PRUNE2: variants seen among roughly 807,000 people sequenced by gnomAD.
PRUNE2 encodes the protein protein prune homolog 2.
PRUNE2 carries 164 observed loss-of-function variants against 252.0 expected under a neutral mutation model. That is an observed-to-expected ratio of 0.65 (90% CI 0.57 to 0.74). PRUNE2 has a LOEUF of 0.74. PRUNE2 is among the 30% of genes least tolerant of loss of function. The pLI is 0.00. For synonymous variants in PRUNE2, 1,292 were observed against 1,350.2 expected, an observed-to-expected ratio of 0.96 and a Z score of 0.94; for missense variants, 3,495 against 3,711.0, an observed-to-expected ratio of 0.94 and a Z score of 1.51.
In PRUNE2 at chr9:76,612,237, G is replaced by A. The variant is rs1827657747; in HGVS notation, c.*2333C>T. ...AATGCCCATAATTTTCATGTAGGAA[G>A]ATGAGGCTTCAAACAGCATACCACC... On this transcript the variant is annotated 3_prime_UTR_variant, in exon 19 of 19. Transcript: ENST00000376718. 6.6e-6 allele frequency: 1 copy of A among 152,222 alleles called. No individual in the cohort carries two copies. Among genetic ancestry groups the A allele is most frequent in the South Asian group, 2.1e-4 (1 of 4,828 alleles). The allele number at this position is 152,222 out of a possible 1,614,324, so 9.4% of individuals were successfully genotyped here. A position where few individuals can be genotyped will look rare whatever the true frequency, so the allele number is the denominator to read the frequency against.
chr9:76,881,747 G>A (rs1013875958), intron 1 of PRUNE2, among the ~76,000 whole-genome samples: 2 of 151,620 alleles, frequency 1.3e-5, no homozygotes, highest in Non-Finnish European at 1.5e-5. Context: ...TCAGCCTCCC[G>A]AGTAGCTGGG....
chr9:76,630,615 C>T (rs562180015), intron 15 of PRUNE2, among the ~76,000 whole-genome samples: 1 of 152,312 alleles, frequency 6.6e-6, no homozygotes, highest in Admixed American at 6.5e-5. Context: ...AGCTCTGCCT[C>T]CTGGGTTCAC....
intron 6 of PRUNE2, among the ~76,000 whole-genome samples, chr9:76,717,126 C>G (rs1190105131): frequency 6.6e-6 from 1 of 152,168 alleles, no homozygotes; most frequent in African/African-American, 2.4e-5. Context: ...TTTGAATCAC[C>G]TAGGCAAGTT....
chr9:76,632,475 C>T (rs78435685), intron 15 of PRUNE2, among the ~76,000 whole-genome samples: 6 of 152,298 alleles, frequency 3.9e-5, no homozygotes, highest in Non-Finnish European at 5.9e-5. Context: ...GTTTCAAAGA[C>T]GGAGCCTATC....
chr9:76,645,271 T>C (rs555120657), intron 11 of PRUNE2: 1 of 174,244 alleles, frequency 5.7e-6, no homozygotes, highest in South Asian at 1.5e-4. Context: ...GTCTTTCTAA[T>C]GGGGTGAAAG....
intron 6 of PRUNE2, among the ~76,000 whole-genome samples, chr9:76,755,232 C>T (rs946043022): frequency 1.3e-5 from 2 of 152,158 alleles, no homozygotes; most frequent in Non-Finnish European, 2.9e-5. Context: ...AGCACAGCAA[C>T]AGGGACTTTA....
chr9:76,893,726 T>C (rs1256129358), intron 1 of PRUNE2, among the ~76,000 whole-genome samples: 1 of 152,224 alleles, frequency 6.6e-6, no homozygotes, highest in African/African-American at 2.4e-5. Flanking sequence ...AGTGATCTAA[T>C]GGCTTAGAGG....
chr9:76,626,496 A>G (rs997616457), intron 16 of PRUNE2, among the ~76,000 whole-genome samples: 1 of 152,254 alleles, frequency 6.6e-6, no homozygotes, highest in Non-Finnish European at 1.5e-5. Context: ...TACAGAAAAC[A>G]GAACACATGG....
intron 18 of PRUNE2, among the ~76,000 whole-genome samples, chr9:76,618,837 T>G (rs1830813268): frequency 6.6e-6 from 1 of 152,210 alleles, no homozygotes; most frequent in African/African-American, 2.4e-5. Flanking sequence ...GGAACGTGGT[T>G]AAGAACTCAC....
Position 76,681,415 on chromosome 9 carries a change from C to T in PRUNE2, c.8276+21922G>A, listed in dbSNP as rs116659264. Among the ~76,000 whole-genome samples the T allele has an allele frequency of 6.2e-3, 868 of 140,376 alleles. 9 individuals carry two copies. The highest frequency in any genetic ancestry group is 0.022 in the African/African-American group (823 of 37,490). The allele number at this position is 140,376 out of a possible 152,430, so 92.1% of individuals were successfully genotyped here. On this transcript the variant is annotated intron_variant, in intron 9 of 18. Coordinates refer to ENST00000376718, the MANE Select transcript of PRUNE2 (RefSeq NM_015225.3). ...ACTGTACACTTAACAATGGTTAAGA[C>T]GGTAAATTTTATGTTATGTGTTTCT... is the stretch of plus-strand genomic sequence containing the variant.
intron 6 of PRUNE2, among the ~76,000 whole-genome samples, chr9:76,745,612 C>G (rs1421112802): frequency 1.3e-5 from 2 of 152,188 alleles, no homozygotes; most frequent in East Asian, 3.9e-4. Context: ...GTACCTCCCC[C>G]TTCCCCCAAA....
intron 4 of PRUNE2, among the ~76,000 whole-genome samples, chr9:76,829,754 T>TG (rs2058562083): frequency 6.6e-6 from 1 of 151,600 alleles, no homozygotes; most frequent in African/African-American, 2.4e-5. Context: ...TTGTTTTGTT[T>TG]TTTTTTTTTT....
At chr9:76,625,645 T>C (rs1479562895) in intron 16 of PRUNE2, among the ~76,000 whole-genome samples, 2 of 152,216 alleles carry the variant, frequency 1.3e-5, no homozygotes, top group Non-Finnish European at 2.9e-5. Context: ...TTCACTAGCA[T>C]GTATTTATAA....
intron 9 of PRUNE2, among the ~76,000 whole-genome samples, chr9:76,679,643 A>T (rs4744801): frequency 0.23 from 35,142 of 151,988 alleles, 4,229 homozygotes; most frequent in Admixed American, 0.29. Flanking sequence ...CCTGGATGAG[A>T]CTCTAAAATA....
In PRUNE2 at chr9:76,632,097, C is replaced by T. The variant is rs372518869; in HGVS notation, c.9051-2807G>A. ...GTCTTTGCTATTGTGAATAGTGCTG[C>T]GATGAACATACATGTGCATGTGTCT... On this transcript the variant is annotated intron_variant, in intron 15 of 18. Coordinates refer to ENST00000376718, the MANE Select transcript of PRUNE2 (RefSeq NM_015225.3). Among the ~76,000 whole-genome samples the T allele has an allele frequency of 5.0e-4, 76 of 152,256 alleles. No individual in the cohort carries two copies. The East Asian group carries it at 9.1e-3, about 18-fold the overall frequency.
intron 9 of PRUNE2, among the ~76,000 whole-genome samples, chr9:76,670,091 C>T (rs570020974): frequency 5.9e-5 from 9 of 152,160 alleles, no homozygotes; most frequent in African/African-American, 1.9e-4. Flanking sequence ...CAGCTCCCAG[C>T]GTGAGCGACG....
intron 6 of PRUNE2, among the ~76,000 whole-genome samples, chr9:76,766,412 T>C (rs916672205): frequency 2.0e-5 from 3 of 152,054 alleles, no homozygotes; most frequent in African/African-American, 7.2e-5. Flanking sequence ...GAGTCAGCTT[T>C]CTCTTTTCTT....
chr9:76,751,328 A>G (rs148256909), intron 6 of PRUNE2, among the ~76,000 whole-genome samples: 8 of 152,268 alleles, frequency 5.3e-5, no homozygotes, highest in Non-Finnish European at 1.2e-4. Flanking sequence ...ATATTCATCA[A>G]TGAAGTTACT....
At chr9:76,698,154 C>A (rs2045563227) in intron 9 of PRUNE2, among the ~76,000 whole-genome samples, 1 of 151,530 alleles carries the variant, frequency 6.6e-6, no homozygotes, top group Non-Finnish European at 1.5e-5. Flanking sequence ...TCAAGCGATT[C>A]TCTTGCCTCA....
Sources: allele counts gnomAD v4.1 joint callset (sites outside exome capture counted in the v4.1 genomes callset), GRCh38; gene constraint gnomAD v4.1.1; transcripts MANE v1.5; gene names NCBI Gene and HGNC (gene_info 2026-07-23, HGNC 2026-07-21).